The following TYRO3 variants were observed in gnomAD, a reference collection of about 807,000 sequenced individuals.
TYRO3 encodes tyrosine-protein kinase receptor TYRO3.
TYRO3 carries 38 observed loss-of-function variants against 95.2 expected under a neutral mutation model. The observed-to-expected ratio is 0.40, with a 90% CI of 0.31 to 0.52. The LOEUF (loss-of-function observed/expected upper bound fraction) is 0.52. TYRO3 is among the 20% of genes least tolerant of loss of function. The pLI is 0.56. For missense variants in TYRO3, 812 were observed against 1,116.4 expected (o/e 0.73, Z 3.89); for synonymous variants, 367 against 432.9 (o/e 0.85, Z 1.89).
intron 6 of TYRO3, 85 bp downstream of exon 6, chr15:41,565,226 C>T: frequency 1.2e-6 from 1 of 827,620 alleles, no homozygotes; most frequent in Non-Finnish European, 2.0e-6. Flanking sequence ...CTAGCCAGCT[C>T]CTGGGGGCTT....
chr15:41,572,088 C>T (rs1041823889), intron 14 of TYRO3, among the ~76,000 whole-genome samples: 52 of 151,930 alleles, frequency 3.4e-4, no homozygotes, highest in African/African-American at 1.1e-3. Context: ...TCCAGCTACC[C>T]GGGAGGCTGA....
Position 41,573,665 on chromosome 15 carries a change from C to T in TYRO3, c.2146-14C>T, listed in dbSNP as rs374706130. 130 of 1,264,894 alleles carry T rather than the reference C, an allele frequency of 1.0e-4. 1 individual carries two copies. The highest frequency in any genetic ancestry group is 1.4e-4 in the African/African-American group (9 of 64,980). 78.4% of individuals were successfully genotyped at this position (1,264,894 alleles called of 1,614,324 possible). A position where few individuals can be genotyped will look rare whatever the true frequency, so the allele number is the denominator to read the frequency against. On this transcript the variant is annotated splice_polypyrimidine_tract_variant and intron_variant, in intron 17 of 18. Coordinates refer to ENST00000263798, the MANE Select transcript of TYRO3 (RefSeq NM_006293.4). ...CTAGTGACAGCTTCTCCCCCAACCT[C>T]GATTCTGTCCCAGTGGGCGTTCGGG...
At position 41,570,298 on chromosome 15, in the gene TYRO3, C is replaced by G. The variant is rs775975244; in HGVS notation, c.1441C>G (p.Arg481Gly). 6.2e-7 allele frequency: 1 copy of G among 1,614,006 alleles called. No homozygotes were observed. Among genetic ancestry groups the G allele is most frequent in the Admixed American group, 1.7e-5 (1 of 60,002 alleles). Reference protein sequence around the residue: ...GEPAVHFRAARSFNRERPERI... With the variant: ...GEPAVHFRAAGSFNRERPERI... The stretch of plus-strand genomic sequence containing the variant: ...GCCAGCCGTTCACTTCCGGGCAGCC[C>G]GGTCCTTCAATCGAGAAAGGCCCGA... The change falls in exon 11 of 19, where the codon CGG becomes GGG. Residue 481 changes from arginine (R) to glycine (G), a missense_variant. By Grantham distance (125) the Arg-to-Gly change is moderately radical. Coordinates refer to ENST00000263798, the MANE Select transcript of TYRO3 (RefSeq NM_006293.4).
rs772690112 is a variant in TYRO3, at chr15:41,562,652, G to T, written c.514G>T (p.Val172Phe). Reference sequence around the variant, plus strand: ...GGGTCCCCCTGAACCTGTTACCATTGTCTGGTGGAGAGGAACTACGAAGAT... The same window carrying T: ...GGGTCCCCCTGAACCTGTTACCATTTTCTGGTGGAGAGGAACTACGAAGAT... ...AVGPPEPVTI[V>F]WWRGTTKIGG... The change falls in exon 4 of 19, where the codon GTC (valine) becomes TTC (phenylalanine). Residue 172 changes from valine (V) to phenylalanine (F), a missense_variant. By Grantham distance (50) the Val-to-Phe change is conservative. Coordinates refer to ENST00000263798, the MANE Select transcript of TYRO3 (RefSeq NM_006293.4). 1.4e-5 allele frequency: 22 copies of T among 1,614,062 alleles called. No homozygotes were observed. In the South Asian group the frequency reaches 2.0e-4, roughly 14 times the overall value.
In TYRO3 at chr15:41,568,219, C is replaced by A; in HGVS notation, c.964C>A (p.Pro322Thr). The change falls in exon 8 of 19, where the codon CCA becomes ACA. Residue 322 changes from proline to threonine, a missense_variant and splice_region_variant. Coordinates refer to ENST00000263798, the MANE Select transcript of TYRO3 (RefSeq NM_006293.4). ...CAATCTTCTCTCTTTGGCTGCAGCC[C>A]CAGCCAGCGCTCCCCAAAACCTCCA... ...WVPFQTKGLA[P>T]ASAPQNLHAI... is the part of the protein sequence containing the mutation. The A allele has an allele frequency of 6.2e-7, 1 of 1,611,980 alleles. No homozygotes were observed.
chr15:41,559,212 C>A lies in TYRO3; in HGVS notation c.-46C>A. 1 of 306,466 alleles carries A rather than the reference C, an allele frequency of 3.3e-6. No individual in the cohort carries two copies. Among genetic ancestry groups the A allele is most frequent in the South Asian group, 1.5e-4 (1 of 6,778 alleles). 19.0% of individuals were successfully genotyped at this position (306,466 alleles called of 1,614,324 possible). ...CGCCGCCTCCTCCCCGCCCTCCTCCCTCCTCGCTCGCGGGCCGGGCCCGGC... is the reference window on the plus strand; with the variant it reads ...CGCCGCCTCCTCCCCGCCCTCCTCCATCCTCGCTCGCGGGCCGGGCCCGGC... On this transcript the variant is annotated 5_prime_UTR_variant, in exon 1 of 19. Transcript: ENST00000263798.
chr15:41,564,836 C>T, intron 5 of TYRO3, 190 bp from the exon 6 acceptor site: 1 of 586,502 alleles, frequency 1.7e-6, no homozygotes, highest in East Asian at 2.9e-5. Context: ...CAGGCACTCT[C>T]CCAGGTGTGA....
At chr15:41,559,910 T>C (rs958245937) in intron 1 of TYRO3, among the ~76,000 whole-genome samples, 1 of 152,218 alleles carries the variant, frequency 6.6e-6, no homozygotes, top group Admixed American at 6.5e-5. Context: ...TTGGAGAGGA[T>C]GGGCTGGTGC....
At chr15:41,577,790 A>G in intron 18 of TYRO3, 96 bp from the exon 19 acceptor site, 9 of 1,288,440 alleles carry the variant, frequency 7.0e-6, no homozygotes, top group Non-Finnish European at 9.6e-6. Context: ...CCCACCAGGG[A>G]ATAAAATTTT....
chr15:41,567,293 A>G, intron 6 of TYRO3, 67 bp from the exon 7 acceptor site: 1 of 1,363,564 alleles, frequency 7.3e-7, no homozygotes, highest in Non-Finnish European at 9.6e-7. Flanking sequence ...ACCCATAACT[A>G]TACCCATCCC....
Position 41,571,593 on chromosome 15 carries a change from A to T in TYRO3, c.1661-2A>T, listed in dbSNP as rs1242326977. 6.2e-7 allele frequency: 1 copy of T among 1,608,934 alleles called. No homozygotes were observed. Among genetic ancestry groups the T allele is most frequent in the Admixed American group, 1.7e-5 (1 of 59,996 alleles). ...TCCTCCTTCCCCATCCCCTTCTCCT[A>T]GCTGACATCATTGCCTCAAGCGACA... On this transcript the variant is annotated splice_acceptor_variant, in intron 13 of 18. Coordinates refer to ENST00000263798, the MANE Select transcript of TYRO3 (RefSeq NM_006293.4). LOFTEE classifies it high-confidence loss of function.
chr15:41,560,153 C>T (rs532220741), intron 1 of TYRO3, among the ~76,000 whole-genome samples: 3 of 152,188 alleles, frequency 2.0e-5, no homozygotes, highest in Admixed American at 6.5e-5. Flanking sequence ...CACCCGCTGG[C>T]ATCTTCTCTT....
intron 16 of TYRO3, 55 bp downstream of exon 16, chr15:41,573,166 C>T: frequency 6.3e-7 from 1 of 1,589,362 alleles, no homozygotes; most frequent in Non-Finnish European, 8.6e-7. Flanking sequence ...CCAAGAGGAG[C>T]TAGCTGATGG....
chr15:41,570,389 C>T (rs2055780721), intron 11 of TYRO3, 49 bp downstream of exon 11: 1 of 1,416,784 alleles, frequency 7.1e-7, no homozygotes, highest in African/African-American at 1.4e-5. Flanking sequence ...TCTTGTGCCC[C>T]ATCTGCATTC....
chr15:41,567,327 C>T (rs540019956), intron 6 of TYRO3, 33 bp from the exon 7 acceptor site: 2 of 1,480,024 alleles, frequency 1.4e-6, no homozygotes, highest in Middle Eastern at 2.5e-4. Context: ...CACAGGCTCT[C>T]CCCTACATCA....
intron 5 of TYRO3, chr15:41,564,684 C>G: frequency 2.6e-6 from 1 of 380,746 alleles, no homozygotes; most frequent in East Asian, 5.6e-5. Context: ...TCTGCAGGAG[C>G]CAGGCTGTGG....
chr15:41,568,158 A>C (rs1185882565), intron 7 of TYRO3, 59 bp from the exon 8 acceptor site: 1 of 1,603,252 alleles, frequency 6.2e-7, no homozygotes, highest in Admixed American at 1.7e-5. Context: ...AAAGGTCTGC[A>C]TGGAATTATG....
chr15:41,565,795 C>A (rs528497085), intron 6 of TYRO3, among the ~76,000 whole-genome samples: 4 of 151,974 alleles, frequency 2.6e-5, no homozygotes, highest in Non-Finnish European at 5.9e-5. Context: ...CTCCACCTTA[C>A]CCCCCAACCC....
chr15:41,560,560 G>A (rs971234961), intron 1 of TYRO3, among the ~76,000 whole-genome samples: 25 of 151,992 alleles, frequency 1.6e-4, no homozygotes, highest in Non-Finnish European at 3.2e-4. Context: ...CCTAGCACTC[G>A]CCCCTGCCCA....
Sources: gnomAD v4.1 joint callset for allele counts (sites outside exome capture counted in the v4.1 genomes callset) on GRCh38, gnomAD v4.1.1 for gene constraint, MANE v1.5 for transcripts, NCBI Gene and HGNC (gene_info 2026-07-23, HGNC 2026-07-21) for gene names.